Variants in NRXN3 observed in about 807,000 individuals in gnomAD.
NRXN3 encodes the protein neurexin 3.
In NRXN3, 32 loss-of-function variants were observed where a neutral mutation model predicts 137.6. That is an observed-to-expected ratio of 0.23 (90% CI 0.18 to 0.31). The LOEUF is 0.31. Ranked by LOEUF, NRXN3 falls within the 10% of genes least tolerant of loss-of-function variation. The probability of loss-of-function intolerance (pLI) is 1.00; values close to 1 mark genes in which losing one functional copy is unlikely to be tolerated. For synonymous variants in NRXN3, 798 were observed against 784.5 expected (o/e 1.02, Z -0.29); for missense variants, 1,574 against 2,062.5 (o/e 0.76, Z 4.59).
chr14:78,507,872 T>C (rs1425946928), intron 4 of NRXN3, among the ~76,000 whole-genome samples: 1 of 152,210 alleles, frequency 6.6e-6, no homozygotes, highest in Non-Finnish European at 1.5e-5. Flanking sequence ...CTGTAATTTC[T>C]GCCTATCACT....
chr14:79,613,022 T>C (rs1338759300), intron 16 of NRXN3, among the ~76,000 whole-genome samples: 1 of 152,164 alleles, frequency 6.6e-6, no homozygotes, highest in Non-Finnish European at 1.5e-5. Flanking sequence ...TATGCAAAAG[T>C]GTTGAGTGGC....
Position 78,317,866 on chromosome 14 carries a change from C to A in NRXN3, c.757+20006C>A, listed in dbSNP as rs530659228. ...ATAAAAAGATCATAATTTCACCTAA[C>A]GTGATACACCTATCCTGAGTATAAT... On this transcript the variant is annotated intron_variant, in intron 4 of 20. Coordinates refer to ENST00000335750, the MANE Select transcript of NRXN3 (RefSeq NM_001330195.2). Among the ~76,000 whole-genome samples, 5 of 152,160 alleles carry A rather than the reference C, an allele frequency of 3.3e-5. No individual in the cohort carries two copies. The South Asian group carries it at 1.0e-3, about 32-fold the overall frequency.
intron 15 of NRXN3, among the ~76,000 whole-genome samples, chr14:79,054,222 A>G (rs2152597919): frequency 6.6e-6 from 1 of 151,746 alleles, no homozygotes; most frequent in Admixed American, 6.6e-5. Context: ...ATGATGAGTT[A>G]ATGGGTGCAG....
At chr14:78,648,420 A>C (rs541506949) in intron 5 of NRXN3, among the ~76,000 whole-genome samples, 1 of 152,210 alleles carries the variant, frequency 6.6e-6, no homozygotes, top group African/African-American at 2.4e-5. Flanking sequence ...AATTACATAA[A>C]AGCTTGAAAA....
intron 19 of NRXN3, among the ~76,000 whole-genome samples, chr14:79,710,788 C>G (rs1296250547): frequency 6.6e-6 from 1 of 152,190 alleles, no homozygotes; most frequent in African/African-American, 2.4e-5. Flanking sequence ...ACCCTCTTTT[C>G]TTATGGAGAA....
At chr14:79,397,517 T>C (rs1028175241) in intron 15 of NRXN3, among the ~76,000 whole-genome samples, 2 of 152,230 alleles carry the variant, frequency 1.3e-5, no homozygotes, top group Non-Finnish European at 2.9e-5. Flanking sequence ...TTGAGCTTCA[T>C]GGTTCTATAT....
chr14:79,341,021 A>T (rs2092582554), intron 15 of NRXN3, among the ~76,000 whole-genome samples: 1 of 152,220 alleles, frequency 6.6e-6, no homozygotes, highest in Non-Finnish European at 1.5e-5. Context: ...AATGCAAATT[A>T]AAAGGGTTAA....
In NRXN3 at chr14:78,786,106, T is replaced by G. The variant is rs137915866; in HGVS notation, c.2045-17514T>G. 2.3e-3 allele frequency among the ~76,000 whole-genome samples: 353 copies of G among 152,330 alleles called. 2 individuals carry two copies. Among genetic ancestry groups the G allele is most frequent in the African/African-American group, 8.2e-3 (342 of 41,584 alleles). On this transcript the variant is annotated intron_variant, in intron 8 of 20. Coordinates refer to ENST00000335750, the MANE Select transcript of NRXN3 (RefSeq NM_001330195.2). The stretch of plus-strand genomic sequence containing the variant: ...AGCCATTACATAATGTGACTGTAGC[T>G]AAAATTAAAGCTCCACAAGGTAGGA...
intron 15 of NRXN3, among the ~76,000 whole-genome samples, chr14:79,099,936 T>C (rs2050968049): frequency 6.6e-6 from 1 of 152,206 alleles, no homozygotes. Flanking sequence ...TTGGCCGTGA[T>C]GGAAGTCTGA....
At chr14:78,250,558 T>C (rs1567079430) in intron 2 of NRXN3, among the ~76,000 whole-genome samples, 1 of 152,170 alleles carries the variant, frequency 6.6e-6, no homozygotes, top group Non-Finnish European at 1.5e-5. Context: ...CTGCTGACAA[T>C]GGTTATGACT....
chr14:78,553,759 TC>T (rs1566730770), intron 4 of NRXN3, among the ~76,000 whole-genome samples: 1 of 152,228 alleles, frequency 6.6e-6, no homozygotes, highest in African/African-American at 2.4e-5. Flanking sequence ...CTTATCTAAA[TC>T]TTGCTCCTTT....
At chr14:79,757,125 A>G (rs988964338) in intron 19 of NRXN3, among the ~76,000 whole-genome samples, 1 of 152,164 alleles carries the variant, frequency 6.6e-6, no homozygotes, top group Non-Finnish European at 1.5e-5. Context: ...TCAAGAGGAC[A>G]TTTGGGTTCA....
chr14:79,728,644 A>T (rs2098907364), intron 19 of NRXN3, among the ~76,000 whole-genome samples: 1 of 152,204 alleles, frequency 6.6e-6, no homozygotes, highest in African/African-American at 2.4e-5. Context: ...TCCCTTGCTG[A>T]TATGGATGTG....
chr14:78,892,684 A>ATGGC (rs958938382), intron 10 of NRXN3, among the ~76,000 whole-genome samples: 2 of 150,750 alleles, frequency 1.3e-5, no homozygotes, highest in African/African-American at 4.9e-5. Flanking sequence ...TCTATAGGTT[A>ATGGC]TGGCTGGAAT....
chr14:79,037,993 C>T (rs1401373856), intron 15 of NRXN3, among the ~76,000 whole-genome samples: 1 of 152,040 alleles, frequency 6.6e-6, no homozygotes, highest in Non-Finnish European at 1.5e-5. Flanking sequence ...ATCCTGCTGA[C>T]TTTGTAGACT....
chr14:78,430,624 C>A lies in NRXN3; in HGVS notation c.757+132764C>A, dbSNP rs563886113. Among the ~76,000 whole-genome samples, 301 of 152,300 alleles carry A rather than the reference C, an allele frequency of 2.0e-3. 1 individual carries two copies. The highest frequency in any genetic ancestry group is 8.3e-3 in the South Asian group (40 of 4,820). The stretch of plus-strand genomic sequence containing the variant: ...GGACCATCAGGGACCCACCTTAGGA[C>A]CCTCATAGCGAGTGGTCCTCCAGCT... On this transcript the variant is annotated intron_variant, in intron 4 of 20. Coordinates refer to ENST00000335750, the MANE Select transcript of NRXN3 (RefSeq NM_001330195.2).
In NRXN3 at chr14:78,915,922, C is replaced by A. The variant is rs568157504; in HGVS notation, c.2276-41320C>A. On this transcript the variant is annotated intron_variant, in intron 10 of 20. Transcript: ENST00000335750. ...AGGAGTAATTCAATTAAAATTATGG[C>A]ATTAGTGCAGACTGTAATTCAATAC... is the stretch of plus-strand genomic sequence containing the variant. Among the ~76,000 whole-genome samples the A allele has an allele frequency of 9.7e-4, 147 of 152,162 alleles. 1 individual carries two copies. Among genetic ancestry groups the A allele is most frequent in the African/African-American group, 3.2e-3 (131 of 41,520 alleles).
chr14:78,418,867 G>A (rs2093292950), intron 4 of NRXN3, among the ~76,000 whole-genome samples: 1 of 152,202 alleles, frequency 6.6e-6, no homozygotes, highest in South Asian at 2.1e-4. Flanking sequence ...TTACAGATGA[G>A]GCACAGAGAG....
At chr14:78,792,279 A>AAAAAT (rs2098808024) in intron 8 of NRXN3, among the ~76,000 whole-genome samples, 1 of 148,026 alleles carries the variant, frequency 6.8e-6, no homozygotes. Flanking sequence ...AAAAAAAAAA[A>AAAAAT]AAAAGGAAAG....
Sources: gnomAD v4.1 joint callset for allele counts (sites outside exome capture counted in the v4.1 genomes callset) on GRCh38, gnomAD v4.1.1 for gene constraint, MANE v1.5 for transcripts, NCBI Gene and HGNC (gene_info 2026-07-23, HGNC 2026-07-21) for gene names.